Variants in DPYD observed in about 807,000 individuals in gnomAD.
DPYD encodes dihydropyrimidine dehydrogenase, also known as dihydropyrimidine dehydrogenase [NADP(+)].
A neutral mutation model predicts 116.2 loss-of-function variants in DPYD; 109 were observed. That is an observed-to-expected ratio of 0.94 (90% CI 0.80 to 1.10). The LOEUF is 1.10. Ranked by LOEUF, DPYD falls within the 50% of genes least tolerant of loss-of-function variation. DPYD has a pLI of 0.00. For synonymous variants in DPYD, 440 were observed against 432.0 expected, an observed-to-expected ratio of 1.02 and a Z score of -0.23; for missense variants, 1,302 against 1,254.5, an observed-to-expected ratio of 1.04 and a Z score of -0.57.
chr1:97,622,680 G>A (rs1026817542), intron 8 of DPYD, among the ~76,000 whole-genome samples: 5 of 152,006 alleles, frequency 3.3e-5, no homozygotes, highest in Non-Finnish European at 7.4e-5. Flanking sequence ...GTGGACTCCA[G>A]CGATTCTGTA....
intron 20 of DPYD, among the ~76,000 whole-genome samples, chr1:97,126,591 C>G (rs1401535001): frequency 2.0e-5 from 3 of 152,136 alleles, no homozygotes; most frequent in African/African-American, 7.2e-5. Flanking sequence ...AGGAAGCACT[C>G]CCTGATGACA....
At chr1:97,877,716 G>T (rs1671995513) in intron 2 of DPYD, among the ~76,000 whole-genome samples, 4 of 152,140 alleles carry the variant, frequency 2.6e-5, no homozygotes, top group Admixed American at 2.6e-4. Context: ...AACAGGTATT[G>T]CTTTCTTACT....
chr1:97,636,317 AT>A (rs1309556701), intron 8 of DPYD, among the ~76,000 whole-genome samples: 3 of 151,784 alleles, frequency 2.0e-5, no homozygotes, highest in African/African-American at 7.3e-5. Flanking sequence ...TCCCACTTTC[AT>A]TTCCATTTCA....
chr1:97,865,625 G>T (rs1671338239), intron 2 of DPYD, among the ~76,000 whole-genome samples: 1 of 151,864 alleles, frequency 6.6e-6, no homozygotes, highest in Admixed American at 6.6e-5. Context: ...GTAAATGTGT[G>T]TGTTTAACAG....
chr1:97,285,102 G>T (rs1238772077), intron 18 of DPYD, among the ~76,000 whole-genome samples: 2 of 152,062 alleles, frequency 1.3e-5, no homozygotes, highest in African/African-American at 4.8e-5. Flanking sequence ...AAAGGTGGAG[G>T]GTTTTAACTT....
Position 97,830,137 on chromosome 1 carries a change from C to T in DPYD, c.151-1941G>A, listed in dbSNP as rs188647742. Reference sequence around the variant, plus strand: ...TGTATATGGGCCACATTTTCTTAATCCAGTTTATCATTGATGGACATTTGG... The same window carrying T: ...TGTATATGGGCCACATTTTCTTAATTCAGTTTATCATTGATGGACATTTGG... On this transcript the variant is annotated intron_variant, in intron 2 of 22. Transcript: ENST00000370192. Among the ~76,000 whole-genome samples the T allele has an allele frequency of 2.0e-5, 3 of 152,188 alleles. No homozygotes were observed. In the East Asian group the frequency reaches 5.8e-4, roughly 29 times the overall value.
intron 12 of DPYD, among the ~76,000 whole-genome samples, chr1:97,519,540 C>A (rs1648485956): frequency 6.6e-6 from 1 of 152,100 alleles, no homozygotes; most frequent in South Asian, 2.1e-4. Context: ...AAGTAAAGAG[C>A]CTGCCCTTTA....
intron 13 of DPYD, among the ~76,000 whole-genome samples, chr1:97,491,386 G>A (rs1678966566): frequency 6.6e-6 from 1 of 151,780 alleles, no homozygotes; most frequent in African/African-American, 2.4e-5. Flanking sequence ...GAATGAGGAA[G>A]GGGGCAGATA....
rs1167638981 is a variant in DPYD, at chr1:97,319,251, T to C, written c.2059-12954A>G. Among the ~76,000 whole-genome samples, 17 of 149,738 alleles carry C rather than the reference T, an allele frequency of 1.1e-4. No individual in the cohort carries two copies. The South Asian group carries it at 2.1e-3, about 19-fold the overall frequency. Reference sequence around the variant, plus strand: ...AAAATCAGAGCACAACTGAAGGAAATAGAGACACAAAAAACCCTTCAAAAA... The same window carrying C: ...AAAATCAGAGCACAACTGAAGGAAACAGAGACACAAAAAACCCTTCAAAAA... On this transcript the variant is annotated intron_variant, in intron 16 of 22. Transcript: ENST00000370192.
chr1:97,272,055 T>C (rs1002853840), intron 18 of DPYD, among the ~76,000 whole-genome samples: 2 of 152,212 alleles, frequency 1.3e-5, no homozygotes, highest in South Asian at 4.1e-4. Flanking sequence ...TTTTTCTCTT[T>C]TAAAAACACA....
At chr1:97,324,045 G>T (rs1668579623) in intron 16 of DPYD, among the ~76,000 whole-genome samples, 1 of 151,970 alleles carries the variant, frequency 6.6e-6, no homozygotes, top group Admixed American at 6.6e-5. Flanking sequence ...AGTGTGTTGT[G>T]CAGCATCTCC....
At chr1:97,211,564 C>T (rs1161394897) in intron 19 of DPYD, among the ~76,000 whole-genome samples, 1 of 152,080 alleles carries the variant, frequency 6.6e-6, no homozygotes, top group African/African-American at 2.4e-5. Flanking sequence ...TTGACAGCTT[C>T]AAAGCCAATC....
chr1:97,571,455 T>C (rs1287078198), intron 11 of DPYD, among the ~76,000 whole-genome samples: 4 of 151,936 alleles, frequency 2.6e-5, no homozygotes, highest in Non-Finnish European at 5.9e-5. Flanking sequence ...TTATCAATCA[T>C]AAAATGCAGA....
intron 20 of DPYD, among the ~76,000 whole-genome samples, chr1:97,102,158 T>C (rs535542335): frequency 1.3e-5 from 2 of 151,920 alleles, no homozygotes; most frequent in South Asian, 2.1e-4. Flanking sequence ...TTGTTTGTAA[T>C]AGAAGCAAGC....
chr1:97,280,362 T>A (rs1197141485), intron 18 of DPYD, among the ~76,000 whole-genome samples: 1 of 152,150 alleles, frequency 6.6e-6, no homozygotes, highest in African/African-American at 2.4e-5. Context: ...CAGTACAGAA[T>A]GAACTGCATC....
chr1:97,176,868 A>ATGTGTGTG (rs10677535), intron 20 of DPYD, among the ~76,000 whole-genome samples: 15,145 of 146,584 alleles, frequency 0.1, 828 homozygotes, highest in East Asian at 0.23. Context: ...GGACAAAAAA[A>ATGTGTGTG]TGTGTGTGTG....
At chr1:97,497,690 C>T (rs549035419) in intron 13 of DPYD, among the ~76,000 whole-genome samples, 82 of 151,732 alleles carry the variant, frequency 5.4e-4, no homozygotes, top group African/African-American at 1.9e-3. Flanking sequence ...ACAATGTTGG[C>T]GAGTATGTGA....
At chr1:97,705,357 C>T (rs1661871451) in intron 5 of DPYD, among the ~76,000 whole-genome samples, 1 of 151,954 alleles carries the variant, frequency 6.6e-6, no homozygotes. Context: ...TGTTCAATTC[C>T]CACCTATGAG....
chr1:97,240,272 G>A (rs1662241321), intron 18 of DPYD, among the ~76,000 whole-genome samples: 1 of 151,838 alleles, frequency 6.6e-6, no homozygotes, highest in African/African-American at 2.4e-5. Flanking sequence ...AATGTCCATG[G>A]ATTTTAATTA....
Sources: gnomAD v4.1 joint callset for allele counts (sites outside exome capture counted in the v4.1 genomes callset) on GRCh38, gnomAD v4.1.1 for gene constraint, MANE v1.5 for transcripts, NCBI Gene and HGNC (gene_info 2026-07-23, HGNC 2026-07-21) for gene names.